The following SULF1 variants were observed in gnomAD, a reference collection of about 807,000 sequenced individuals.
SULF1 encodes sulfatase 1.
A neutral mutation model predicts 110.5 loss-of-function variants in SULF1; 46 were observed. The observed-to-expected ratio is 0.42, with a 90% CI of 0.33 to 0.53. The LOEUF is 0.53. Ranked by LOEUF, SULF1 falls within the 20% of genes least tolerant of loss-of-function variation. The pLI is 0.12. For missense variants in SULF1, 941 were observed against 1,094.2 expected (o/e 0.86, Z 1.98); for synonymous variants, 371 against 387.1 (o/e 0.96, Z 0.49).
At chr8:69,491,380 A>G (rs1371858635), upstream of SULF1, among the ~76,000 whole-genome samples, 5 of 152,232 alleles carry the variant, frequency 3.3e-5, no homozygotes, top group Non-Finnish European at 2.9e-5. Flanking sequence ...GAGTTCCTCC[A>G]TAAAATCAGT....
rs140964630 is a variant in SULF1 at position 69,588,224 on chromosome 8, CT to C, written c.565-747del. On this transcript the variant is annotated intron_variant, in intron 7 of 22. Coordinates refer to ENST00000402687, the MANE Select transcript of SULF1 (RefSeq NM_001128205.2). Reference sequence around the variant, plus strand: ...TCTTACAGACCTGCATCAGCCCCCCCTGACTGTGGGTTAAGTCATTTTATTA... The same window carrying C: ...TCTTACAGACCTGCATCAGCCCCCCCGACTGTGGGTTAAGTCATTTTATTA... 1.3e-3 allele frequency among the ~76,000 whole-genome samples: 198 copies of C among 152,332 alleles called. 2 individuals are homozygous for C. The highest frequency in any genetic ancestry group is 3.7e-3 in the African/African-American group (153 of 41,576).
chr8:69,479,639 G>A (rs1354671583), intron 1 of SULF1, among the ~76,000 whole-genome samples: 4 of 152,136 alleles, frequency 2.6e-5, no homozygotes, highest in South Asian at 2.1e-4. Context: ...TGTTGGAGGC[G>A]TACCTCCAAC....
intron 3 of SULF1, among the ~76,000 whole-genome samples, chr8:69,528,125 A>G (rs1455687738): frequency 1.3e-5 from 2 of 152,154 alleles, no homozygotes; most frequent in African/African-American, 4.8e-5. Flanking sequence ...TTGCCCCCAC[A>G]GGACCTTTGG....
intron 3 of SULF1, among the ~76,000 whole-genome samples, chr8:69,534,648 T>C (rs1813318293): frequency 6.6e-6 from 1 of 152,220 alleles, no homozygotes; most frequent in African/African-American, 2.4e-5. Flanking sequence ...ACAGACTTCA[T>C]TTCCTTGACA....
At position 69,658,609 on chromosome 8, in the gene SULF1, G is replaced by C. The variant is rs758697154; in HGVS notation, c.*74G>C. On this transcript the variant is annotated 3_prime_UTR_variant, in exon 23 of 23. Transcript: ENST00000402687. ...ACACAGTGTGAATGAAAACATCTAT[G>C]AGTACAGACAAAACTACAGACTTAG... 1.6e-6 allele frequency: 2 copies of C among 1,225,732 alleles called. No homozygotes were observed. The highest frequency in any genetic ancestry group is 2.4e-6 in the Non-Finnish European group (2 of 826,150). 75.9% of individuals were successfully genotyped at this position (1,225,732 alleles called of 1,614,324 possible).
Position 69,603,657 on chromosome 8 carries a change from G to T in SULF1, c.1247+1G>T, listed in dbSNP as rs187123848. ...GTGATACATTCCTAGTGGAAAGAGG[G>T]TAATTATTGGTTCCTGGGGTGCTTC... On this transcript the variant is annotated splice_donor_variant, in intron 12 of 22. Transcript: ENST00000402687. LOFTEE classifies it high-confidence loss of function. 1 of 1,611,048 alleles carries T rather than the reference G, an allele frequency of 6.2e-7. No individual in the cohort carries two copies.
chr8:69,563,992 G>T lies in SULF1; in HGVS notation c.17G>T (p.Cys6Phe), dbSNP rs565892129. MKYSC[C>F]ALVLAVLGTE... ...CCAAATACAATGAAGTATTCTTGCTGTGCTCTGGTTTTGGCTGTCCTGGGC... is the reference window on the plus strand; with the variant it reads ...CCAAATACAATGAAGTATTCTTGCTTTGCTCTGGTTTTGGCTGTCCTGGGC... Residue 6 changes from cysteine (C) to phenylalanine (F), a missense_variant, in exon 5 of 23, where the codon TGT (cysteine) becomes TTT (phenylalanine). Physicochemically the swap from Cys to Phe is radical, Grantham distance 205. This residue lies in a region of SULF1 where 822 missense variants were observed against 934.3 expected (regional missense o/e 0.88). Coordinates refer to ENST00000402687, the MANE Select transcript of SULF1 (RefSeq NM_001128205.2). The T allele has an allele frequency of 6.2e-7, 1 of 1,614,174 alleles. No individual in the cohort carries two copies.
intron 13 of SULF1, among the ~76,000 whole-genome samples, chr8:69,606,482 A>C (rs1808229351): frequency 1.3e-5 from 2 of 152,170 alleles, no homozygotes; most frequent in East Asian, 3.8e-4. Context: ...AGGAGTTGCA[A>C]ATGTTCAGTG....
At chr8:69,643,438 A>G (rs1811643251) in intron 22 of SULF1, among the ~76,000 whole-genome samples, 1 of 151,898 alleles carries the variant, frequency 6.6e-6, no homozygotes, top group Non-Finnish European at 1.5e-5. Context: ...ACAAGTTTTT[A>G]TCGTGAAATT....
chr8:69,605,624 C>A (rs893224611), intron 13 of SULF1, among the ~76,000 whole-genome samples: 3 of 152,098 alleles, frequency 2.0e-5, no homozygotes, highest in Non-Finnish European at 2.9e-5. Context: ...GAATTTAAAC[C>A]AGTTTAAAAC....
At chr8:69,486,231 CTTACACATGCAGGACACGGCTAT>C (rs1809700667) in intron 1 of SULF1, among the ~76,000 whole-genome samples, 1 of 152,064 alleles carries the variant, frequency 6.6e-6, no homozygotes, top group Admixed American at 6.6e-5. Flanking sequence ...ATACCGAGTC[CTTACACATGCAGGACACGGCTAT>C]TTCCTTTCAG....
At chr8:69,648,896 G>A (rs2130722822) in intron 22 of SULF1, among the ~76,000 whole-genome samples, 1 of 152,348 alleles carries the variant, frequency 6.6e-6, no homozygotes, top group Non-Finnish European at 1.5e-5. Context: ...AGAAAGAAAT[G>A]TGACTTGGCT....
At chr8:69,637,487 TG>T (rs1216580843) in intron 19 of SULF1, 3 of 154,928 alleles carry the variant, frequency 1.9e-5, no homozygotes, top group Admixed American at 1.9e-4. Context: ...AAAATAAACA[TG>T]AAGAGCAAGT....
chr8:69,583,031 C>T (rs573105746), intron 6 of SULF1, among the ~76,000 whole-genome samples: 12 of 152,324 alleles, frequency 7.9e-5, no homozygotes, highest in South Asian at 6.2e-4. Flanking sequence ...CACTGATCAA[C>T]GTGCTCAGTG....
rs1241764798 is a variant in SULF1 at position 69,624,078 on chromosome 8, T to C, written c.1731T>C (p.His577=). Residue 577 remains histidine, a synonymous_variant, in exon 15 of 23, where the codon CAT becomes CAC. Coordinates refer to ENST00000402687, the MANE Select transcript of SULF1 (RefSeq NM_001128205.2). ...AACCAAGAAACATTGCTAAGCGTCA[T>C]GATGAAGGCCACAAGGGGCCAAGAG... The part of the protein sequence containing the change: ...VLQPRNIAKR[H]DEGHKGPRDL... 3.7e-6 allele frequency: 6 copies of C among 1,614,116 alleles called. No homozygotes were observed. Among genetic ancestry groups the C allele is most frequent in the African/African-American group, 2.7e-5 (2 of 75,040 alleles).
rs1586182085 is a variant in SULF1 at position 69,469,655 on chromosome 8, C to T, written c.-391+2705C>T. Reference sequence around the variant, plus strand: ...TAGTAGAGACAAGTGGCAAATGGGACATTTCCTATTTCCTTCCCTAATTAT... The same window carrying T: ...TAGTAGAGACAAGTGGCAAATGGGATATTTCCTATTTCCTTCCCTAATTAT... On this transcript the variant is annotated intron_variant, in intron 1 of 22. Transcript: ENST00000260128. Among the ~76,000 whole-genome samples, 4 of 152,314 alleles carry T rather than the reference C, an allele frequency of 2.6e-5. No individual in the cohort carries two copies. In the South Asian group the frequency reaches 8.3e-4, roughly 32 times the overall value.
chr8:69,512,722 C>T (rs946823306), intron 3 of SULF1, among the ~76,000 whole-genome samples: 2 of 151,940 alleles, frequency 1.3e-5, no homozygotes, highest in Non-Finnish European at 1.5e-5. Context: ...TTCACCTCCC[C>T]CCTCTTAACT....
intron 13 of SULF1, 60 bp from the exon 14 acceptor site, chr8:69,620,975 C>A: frequency 5.0e-6 from 7 of 1,396,506 alleles, no homozygotes; most frequent in Non-Finnish European, 6.9e-6. Context: ...AAGGCAGCAG[C>A]TCTTAATAAA....
At chr8:69,588,273 C>T (rs1203204198) in intron 7 of SULF1, among the ~76,000 whole-genome samples, 3 of 152,182 alleles carry the variant, frequency 2.0e-5, no homozygotes, top group Non-Finnish European at 4.4e-5. Flanking sequence ...CTAATCCCAG[C>T]AGCTGTATTG....
Sources: allele counts gnomAD v4.1 joint callset (sites outside exome capture counted in the v4.1 genomes callset), GRCh38; gene constraint gnomAD v4.1.1; regional missense constraint gnomAD v4.1.1; transcripts MANE v1.5; gene names NCBI Gene and HGNC (gene_info 2026-07-23, HGNC 2026-07-21).